Variants in CNTN5 observed in about 807,000 individuals in gnomAD.
The protein encoded by CNTN5 is contactin-5.
CNTN5 carries 77 observed loss-of-function variants against 129.1 expected under a neutral mutation model. That is an observed-to-expected ratio of 0.60 (90% CI 0.50 to 0.72). CNTN5 has a LOEUF of 0.72. CNTN5 is among the 30% of genes least tolerant of loss of function. CNTN5 has a pLI of 0.00. For missense variants in CNTN5, 1,478 were observed against 1,328.8 expected (o/e 1.11, Z -1.75); for synonymous variants, 509 against 465.6 (o/e 1.09, Z -1.20).
At chr11:99,138,498 T>A (rs7111572) in intron 1 of CNTN5, among the ~76,000 whole-genome samples, 136,957 of 152,228 alleles carry the variant, frequency 0.9, 61,812 homozygotes, top group East Asian at 0.99. Context: ...TAAACCAAGA[T>A]AATTTTATGC....
chr11:99,899,762 A>T (rs1949305104), intron 6 of CNTN5, among the ~76,000 whole-genome samples: 1 of 152,024 alleles, frequency 6.6e-6, no homozygotes, highest in African/African-American at 2.4e-5. Flanking sequence ...TTAGGAAGAC[A>T]TTCCTTCTCC....
At chr11:99,758,808 G>A (rs1944485334) in intron 3 of CNTN5, among the ~76,000 whole-genome samples, 1 of 151,990 alleles carries the variant, frequency 6.6e-6, no homozygotes, top group Non-Finnish European at 1.5e-5. Context: ...CAAAAATTAT[G>A]CAAGCATTTT....
chr11:99,558,907 CT>C, intron 3 of CNTN5, among the ~76,000 whole-genome samples: 1 of 151,890 alleles, frequency 6.6e-6, no homozygotes, highest in East Asian at 1.9e-4. Flanking sequence ...AGATGAATTT[CT>C]TTTTTGCTGT....
At chr11:100,028,357 A>G (rs1355046840) in intron 9 of CNTN5, among the ~76,000 whole-genome samples, 1 of 152,198 alleles carries the variant, frequency 6.6e-6, no homozygotes, top group African/African-American at 2.4e-5. Context: ...GACACCAAAT[A>G]AATTATCCTC....
intron 3 of CNTN5, among the ~76,000 whole-genome samples, chr11:99,643,701 A>G (rs1021996215): frequency 7.2e-5 from 11 of 152,136 alleles, no homozygotes; most frequent in Non-Finnish European, 1.6e-4. Context: ...CACAGCTGGT[A>G]TACTTTCTGA....
chr11:100,320,037 T>C (rs1951656219), intron 21 of CNTN5, among the ~76,000 whole-genome samples: 1 of 152,228 alleles, frequency 6.6e-6, no homozygotes, highest in Non-Finnish European at 1.5e-5. Flanking sequence ...AGATGTCTTT[T>C]TGACATACTG....
intron 18 of CNTN5, among the ~76,000 whole-genome samples, chr11:100,287,605 A>G (rs1303639500): frequency 6.6e-6 from 1 of 151,494 alleles, no homozygotes; most frequent in Non-Finnish European, 1.5e-5. Flanking sequence ...CTCCTGAAGG[A>G]AGCACTAAAC....
At chr11:99,865,299 C>G (rs116841867) in intron 6 of CNTN5, among the ~76,000 whole-genome samples, 87 of 151,706 alleles carry the variant, frequency 5.7e-4, no homozygotes, top group Non-Finnish European at 9.4e-4. Context: ...TTTGAATTCT[C>G]AAGAATAAAG....
intron 8 of CNTN5, among the ~76,000 whole-genome samples, chr11:99,964,105 C>G (rs1951026036): frequency 1.3e-5 from 2 of 152,144 alleles, no homozygotes; most frequent in Non-Finnish European, 2.9e-5. Context: ...CATCTGCAAA[C>G]AGGGACAATT....
chr11:99,136,948 A>G (rs1859261650), intron 1 of CNTN5, among the ~76,000 whole-genome samples: 1 of 152,192 alleles, frequency 6.6e-6, no homozygotes, highest in Admixed American at 6.5e-5. Flanking sequence ...TTAATGAGAT[A>G]CATTACTAAG....
intron 18 of CNTN5, among the ~76,000 whole-genome samples, chr11:100,276,459 G>A (rs965640909): frequency 2.7e-5 from 4 of 149,972 alleles, no homozygotes; most frequent in African/African-American, 9.8e-5. Flanking sequence ...GAACCCGGGA[G>A]GCAGAGGTTG....
chr11:100,003,762 C>T (rs182391172), intron 9 of CNTN5: 22 of 152,232 alleles, frequency 1.4e-4, no homozygotes, highest in African/African-American at 5.3e-4. Context: ...TTATTTTCTT[C>T]AACCTTTCTA....
chr11:99,105,901 C>T (rs1216514354), intron 1 of CNTN5, among the ~76,000 whole-genome samples: 1 of 151,976 alleles, frequency 6.6e-6, no homozygotes, highest in Non-Finnish European at 1.5e-5. Context: ...GTCTATAGAC[C>T]TGTAGAGAAA....
At chr11:100,083,880 C>T (rs951685751) in intron 13 of CNTN5, among the ~76,000 whole-genome samples, 2 of 151,688 alleles carry the variant, frequency 1.3e-5, no homozygotes, top group Admixed American at 6.6e-5. Flanking sequence ...TTTTCTTGAC[C>T]ACTCCACCAG....
At chr11:99,177,488 A>T (rs1236257357) in intron 1 of CNTN5, among the ~76,000 whole-genome samples, 1 of 152,310 alleles carries the variant, frequency 6.6e-6, no homozygotes, top group Non-Finnish European at 1.5e-5. Flanking sequence ...GCCAGAAAGC[A>T]GGATCTGTTT....
At chr11:99,436,971 C>T (rs1943624246) in intron 2 of CNTN5, among the ~76,000 whole-genome samples, 1 of 152,134 alleles carries the variant, frequency 6.6e-6, no homozygotes, top group Admixed American at 6.5e-5. Flanking sequence ...CTGAACACTT[C>T]CAAATTTGCA....
At chr11:100,238,432 GAGAA>G (rs1336994882) in intron 16 of CNTN5, among the ~76,000 whole-genome samples, 1 of 141,036 alleles carries the variant, frequency 7.1e-6, no homozygotes, top group Non-Finnish European at 1.5e-5. Context: ...AAAAAAAAAG[GAGAA>G]AGAAGAAGGA....
chr11:99,147,745 T>C (rs1024086578), intron 1 of CNTN5, among the ~76,000 whole-genome samples: 1 of 152,166 alleles, frequency 6.6e-6, no homozygotes, highest in African/African-American at 2.4e-5. Flanking sequence ...ATAGAAATAT[T>C]TGTGGACTAA....
chr11:99,572,057 A>T (rs1053637792), intron 3 of CNTN5, among the ~76,000 whole-genome samples: 1 of 152,184 alleles, frequency 6.6e-6, no homozygotes, highest in Non-Finnish European at 1.5e-5. Context: ...ATCTCATCTC[A>T]AAAAGACAGA....
Sources: allele counts gnomAD v4.1 joint callset (sites outside exome capture counted in the v4.1 genomes callset), GRCh38; gene constraint gnomAD v4.1.1; transcripts MANE v1.5; gene names NCBI Gene and HGNC (gene_info 2026-07-23, HGNC 2026-07-21).